The following RFC1 variants were observed in gnomAD, a reference collection of about 807,000 sequenced individuals.
RFC1 encodes A1 140 kDa subunit.
Under a neutral mutation model 137.4 loss-of-function variants are expected in RFC1, and 37 were observed. The ratio of observed to expected loss-of-function variants is 0.27; its 90% CI spans 0.21 to 0.35. The LOEUF (loss-of-function observed/expected upper bound fraction) is 0.35. RFC1 is among the 10% of genes least tolerant of loss of function. The pLI, the probability that RFC1 is intolerant of heterozygous loss-of-function variation, is 1.00. For synonymous variants in RFC1, 429 were observed against 455.7 expected (o/e 0.94, Z 0.75); for missense variants, 1,205 against 1,358.5 (o/e 0.89, Z 1.78).
intron 3 of RFC1, among the ~76,000 whole-genome samples, chr4:39,344,049 G>C (rs1408884519): frequency 6.6e-6 from 1 of 151,702 alleles, no homozygotes; most frequent in Non-Finnish European, 1.5e-5. Flanking sequence ...AGGAGACAGA[G>C]GTTACACTGA....
At position 39,288,537 on chromosome 4, in the gene RFC1, G is replaced by A; in HGVS notation, c.*224C>T. ...AAGCACGTCTAACTAGATTGACAGA[G>A]GACAGTGGAGGACCCAAGCAGTCCT... On this transcript the variant is annotated 3_prime_UTR_variant, in exon 25 of 25. Coordinates refer to ENST00000349703, the MANE Select transcript of RFC1 (RefSeq NM_002913.5). 2.4e-6 allele frequency: 1 copy of A among 423,626 alleles called. No homozygotes were observed. 26.2% of individuals were successfully genotyped at this position (423,626 alleles called of 1,614,324 possible).
chr4:39,331,454 T>C (rs1420218585), intron 4 of RFC1, among the ~76,000 whole-genome samples: 2 of 152,074 alleles, frequency 1.3e-5, no homozygotes, highest in Non-Finnish European at 2.9e-5. Context: ...GGAGAGCAGA[T>C]TGTAACAGGG....
intron 2 of RFC1, among the ~76,000 whole-genome samples, chr4:39,347,611 G>C (rs530109153): frequency 2.6e-5 from 4 of 152,270 alleles, no homozygotes; most frequent in Admixed American, 2.6e-4. Flanking sequence ...GAACTGGGGA[G>C]AGGCTAGATA....
chr4:39,357,545 T>C (rs1298194465), intron 1 of RFC1, among the ~76,000 whole-genome samples: 1 of 152,194 alleles, frequency 6.6e-6, no homozygotes, highest in African/African-American at 2.4e-5. Flanking sequence ...TAATGGTTTA[T>C]TTCAGAATTT....
intron 6 of RFC1, among the ~76,000 whole-genome samples, chr4:39,324,561 T>A (rs530541529): frequency 6.6e-6 from 1 of 152,176 alleles, no homozygotes; most frequent in South Asian, 2.1e-4. Flanking sequence ...AGAAAAACAT[T>A]TTGAAAACAC....
chr4:39,317,029 G>A lies in RFC1; in HGVS notation c.1096-7C>T. Reference sequence around the variant, plus strand: ...AATCTTCAGGACTTACAGACTTTGGGAACAGGGAAAGGAAAATGAACAAAG... The same window carrying A: ...AATCTTCAGGACTTACAGACTTTGGAAACAGGGAAAGGAAAATGAACAAAG... On this transcript the variant is annotated splice_polypyrimidine_tract_variant and splice_region_variant and intron_variant, in intron 9 of 24. Coordinates refer to ENST00000349703, the MANE Select transcript of RFC1 (RefSeq NM_002913.5). 1.3e-6 allele frequency: 2 copies of A among 1,585,608 alleles called. No homozygotes were observed. The highest frequency in any genetic ancestry group is 1.7e-6 in the Non-Finnish European group (2 of 1,155,148).
intron 21 of RFC1, chr4:39,297,584 G>C (rs1738084860): frequency 2.0e-5 from 3 of 152,240 alleles, no homozygotes; most frequent in Admixed American, 2.0e-4. Flanking sequence ...CGTTATTTCT[G>C]AGGGCTCTGT....
In RFC1 at chr4:39,342,401, G is replaced by A; in HGVS notation, c.275C>T (p.Ser92Phe). Residue 92 changes from serine (S) to phenylalanine (F), a missense_variant, in exon 4 of 25, where the codon TCT becomes TTT. Coordinates refer to ENST00000349703, the MANE Select transcript of RFC1 (RefSeq NM_002913.5). ...CCGTGAAATTTTACCAGGTTTAGAAGATACTGGCAGTTTTTCTGGTGGCTT... is the reference window on the plus strand; with the variant it reads ...CCGTGAAATTTTACCAGGTTTAGAAAATACTGGCAGTTTTTCTGGTGGCTT... ...AKKPPEKLPV[S>F]SKPGKISRQD... The A allele has an allele frequency of 6.2e-7, 1 of 1,613,622 alleles. No homozygotes were observed. The highest frequency in any genetic ancestry group is 8.5e-7 in the Non-Finnish European group (1 of 1,179,688).
At chr4:39,301,269 G>A (rs553672589) in intron 19 of RFC1, among the ~76,000 whole-genome samples, 2 of 152,186 alleles carry the variant, frequency 1.3e-5, no homozygotes, top group Non-Finnish European at 2.9e-5. Flanking sequence ...GCTGCCAGGG[G>A]TTGTAGGGAG....
At chr4:39,341,507 A>T (rs748564451) in intron 4 of RFC1, 84 of 421,968 alleles carry the variant, frequency 2.0e-4, no homozygotes, top group Non-Finnish European at 3.1e-4. Context: ...TGATATTTTG[A>T]ACAGTTTCAT....
intron 10 of RFC1, 28 bp from the exon 11 acceptor site, chr4:39,312,959 G>A (rs1323563749): frequency 2.6e-6 from 4 of 1,551,714 alleles, no homozygotes; most frequent in East Asian, 2.3e-5. Context: ...CAAGCAGAGA[G>A]GAAATTACAT....
At chr4:39,351,017 A>G (rs530272528) in intron 2 of RFC1, among the ~76,000 whole-genome samples, 9 of 152,010 alleles carry the variant, frequency 5.9e-5, no homozygotes, top group East Asian at 1.9e-4. Flanking sequence ...TTGGGAGGCC[A>G]AGGCGGGCAG....
intron 1 of RFC1, among the ~76,000 whole-genome samples, chr4:39,364,562 A>G (rs1253596013): frequency 1.3e-5 from 2 of 152,200 alleles, no homozygotes; most frequent in East Asian, 3.8e-4. Context: ...TGAATGATCA[A>G]AAGTTGACCA....
intron 5 of RFC1, 92 bp from the exon 6 acceptor site, chr4:39,326,732 G>A (rs1286557760): frequency 1.1e-6 from 1 of 923,912 alleles, no homozygotes; most frequent in East Asian, 2.6e-5. Flanking sequence ...AAATACACCA[G>A]TGAGAGATAA....
intron 10 of RFC1, among the ~76,000 whole-genome samples, chr4:39,315,776 G>C (rs561931578): frequency 1.3e-5 from 2 of 151,936 alleles, no homozygotes; most frequent in African/African-American, 4.8e-5. Context: ...TCCACTTTTC[G>C]ACATTTTCAC....
chr4:39,330,707 TTTGCAACCGAAAGAGTTAAA>T (rs1740055475), intron 4 of RFC1, among the ~76,000 whole-genome samples: 1 of 152,220 alleles, frequency 6.6e-6, no homozygotes, highest in South Asian at 2.1e-4. Flanking sequence ...CACTAAAGTG[TTTGCAACCGAAAGAGTTAAA>T]TTAAAACATA....
intron 24 of RFC1, 140 bp from the exon 25 acceptor site, chr4:39,288,984 T>G: frequency 3.1e-6 from 2 of 646,756 alleles, no homozygotes; most frequent in African/African-American, 1.9e-5. Context: ...GATCTTGAAC[T>G]ACTGCAACCC....
intron 3 of RFC1, among the ~76,000 whole-genome samples, chr4:39,342,900 C>G (rs1740674076): frequency 6.6e-6 from 1 of 152,228 alleles, no homozygotes; most frequent in Non-Finnish European, 1.5e-5. Context: ...CAAGCGAAAG[C>G]CCTCACGTTG....
chr4:39,352,706 T>A (rs1741268119), intron 1 of RFC1, among the ~76,000 whole-genome samples: 1 of 152,184 alleles, frequency 6.6e-6, no homozygotes, highest in East Asian at 1.9e-4. Context: ...TATCATCCCT[T>A]CATATTACTG....
Sources: gnomAD v4.1 joint callset for allele counts (sites outside exome capture counted in the v4.1 genomes callset) on GRCh38, gnomAD v4.1.1 for gene constraint, MANE v1.5 for transcripts, NCBI Gene and HGNC (gene_info 2026-07-23, HGNC 2026-07-21) for gene names.